The following AUTS2 variants were observed in gnomAD, a reference collection of about 807,000 sequenced individuals.
AUTS2 encodes the protein activator of transcription and developmental regulator AUTS2, also known as autism susceptibility gene 2 protein.
Under a neutral mutation model 112.4 loss-of-function variants are expected in AUTS2, and 17 were observed. The observed-to-expected ratio is 0.15, with a 90% CI of 0.10 to 0.23. AUTS2 has a LOEUF of 0.23. Ranked by LOEUF, AUTS2 falls within the 10% of genes least tolerant of loss-of-function variation. The probability of loss-of-function intolerance (pLI) is 1.00; values close to 1 mark genes in which losing one functional copy is unlikely to be tolerated. For missense variants in AUTS2, 1,510 were observed against 1,701.6 expected (o/e 0.89, Z 1.98); for synonymous variants, 751 against 702.7 (o/e 1.07, Z -1.09).
chr7:70,618,002 G>A (rs924804497), intron 5 of AUTS2, among the ~76,000 whole-genome samples: 4 of 152,210 alleles, frequency 2.6e-5, no homozygotes. Context: ...CTTGGAGAAG[G>A]AGGAAAGAAA....
At chr7:69,830,969 A>C (rs1791475555) in intron 1 of AUTS2, among the ~76,000 whole-genome samples, 1 of 152,170 alleles carries the variant, frequency 6.6e-6, no homozygotes, top group South Asian at 2.1e-4. Flanking sequence ...CTCCCTTCAG[A>C]GGTAGAGAGC....
chr7:70,403,570 G>A (rs1794412925), intron 4 of AUTS2, among the ~76,000 whole-genome samples: 1 of 152,146 alleles, frequency 6.6e-6, no homozygotes, highest in Admixed American at 6.5e-5. Flanking sequence ...AATACCTCAA[G>A]GACTCCTGAC....
At chr7:69,763,866 G>A (rs1025775882) in intron 1 of AUTS2, among the ~76,000 whole-genome samples, 1 of 152,180 alleles carries the variant, frequency 6.6e-6, no homozygotes, top group South Asian at 2.1e-4. Context: ...GCCTTAAATT[G>A]TGATGTGTTC....
At chr7:70,126,811 G>A (rs1805996848) in intron 3 of AUTS2, among the ~76,000 whole-genome samples, 1 of 152,138 alleles carries the variant, frequency 6.6e-6, no homozygotes, top group South Asian at 2.1e-4. Flanking sequence ...GGCAAAGAAT[G>A]TGACCTTTCT....
chr7:70,000,093 C>G (rs1799117392), intron 2 of AUTS2, among the ~76,000 whole-genome samples: 1 of 152,224 alleles, frequency 6.6e-6, no homozygotes, highest in South Asian at 2.1e-4. Flanking sequence ...ATGCAAGATT[C>G]ACATTGTGCT....
At chr7:70,599,667 C>T (rs1803373774) in intron 5 of AUTS2, among the ~76,000 whole-genome samples, 1 of 152,134 alleles carries the variant, frequency 6.6e-6, no homozygotes, top group Non-Finnish European at 1.5e-5. Context: ...CCCTTTGGAT[C>T]AATACCTATG....
intron 2 of AUTS2, among the ~76,000 whole-genome samples, chr7:69,960,673 C>T (rs1202347593): frequency 6.6e-6 from 1 of 152,112 alleles, no homozygotes; most frequent in Non-Finnish European, 1.5e-5. Context: ...CAGAGTTAAT[C>T]AGTGAAATAT....
intron 4 of AUTS2, among the ~76,000 whole-genome samples, chr7:70,375,943 A>T (rs565574238): frequency 6.6e-6 from 1 of 152,066 alleles, no homozygotes; most frequent in South Asian, 2.1e-4. Flanking sequence ...TCACAAGAAC[A>T]TGTTCAATCT....
intron 1 of AUTS2, among the ~76,000 whole-genome samples, chr7:69,801,767 A>G (rs370044922): frequency 6.6e-6 from 1 of 152,176 alleles, no homozygotes; most frequent in Non-Finnish European, 1.5e-5. Context: ...ACAGACAACA[A>G]TCTCTCTGAC....
intron 4 of AUTS2, among the ~76,000 whole-genome samples, chr7:70,390,197 A>G (rs1026924831): frequency 4.6e-5 from 7 of 152,222 alleles, no homozygotes; most frequent in Non-Finnish European, 7.3e-5. Context: ...ATAGCTTTGT[A>G]TGATAAAATG....
chr7:70,180,772 T>A (rs1809255560), intron 4 of AUTS2, among the ~76,000 whole-genome samples: 1 of 152,194 alleles, frequency 6.6e-6, no homozygotes, highest in Non-Finnish European at 1.5e-5. Context: ...ACATGTCCCC[T>A]TTTTACTGCC....
chr7:70,502,430 G>A (rs1411640939), intron 5 of AUTS2, among the ~76,000 whole-genome samples: 1 of 152,212 alleles, frequency 6.6e-6, no homozygotes, highest in Non-Finnish European at 1.5e-5. Flanking sequence ...GCCTGCATCT[G>A]TTTGAAAGAA....
intron 4 of AUTS2, among the ~76,000 whole-genome samples, chr7:70,419,945 G>A (rs1337929439): frequency 6.6e-6 from 1 of 152,116 alleles, no homozygotes; most frequent in Non-Finnish European, 1.5e-5. Flanking sequence ...TGAAAGGAAG[G>A]ATGAGTCTCC....
intron 18 of AUTS2, among the ~76,000 whole-genome samples, chr7:70,787,711 T>C (rs1469980295): frequency 1.3e-5 from 2 of 152,218 alleles, no homozygotes; most frequent in African/African-American, 4.8e-5. Context: ...CAAACAGAAG[T>C]CTTTCTCTAG....
intron 5 of AUTS2, among the ~76,000 whole-genome samples, chr7:70,537,330 T>C (rs951614711): frequency 5.9e-5 from 9 of 152,254 alleles, no homozygotes; most frequent in Non-Finnish European, 1.2e-4. Context: ...TGGATTTTTG[T>C]TGCTGTTAAA....
chr7:70,267,847 A>T (rs182210342), intron 4 of AUTS2, among the ~76,000 whole-genome samples: 1 of 152,268 alleles, frequency 6.6e-6, no homozygotes. Context: ...TTTACAGTTG[A>T]CTAGGCAGGG....
intron 5 of AUTS2, among the ~76,000 whole-genome samples, chr7:70,598,300 C>G (rs906069035): frequency 6.6e-6 from 1 of 152,180 alleles, no homozygotes; most frequent in Non-Finnish European, 1.5e-5. Flanking sequence ...CACGGTTTCT[C>G]AGTGCAGGTT....
At chr7:70,359,218 C>T (rs529093546) in intron 4 of AUTS2, among the ~76,000 whole-genome samples, 104 of 152,288 alleles carry the variant, frequency 6.8e-4, no homozygotes, top group Middle Eastern at 6.8e-3. Context: ...GCACTTCGAA[C>T]CTTGCTAACA....
chr7:70,443,268 T>C (rs900492707), intron 5 of AUTS2, among the ~76,000 whole-genome samples: 4 of 152,188 alleles, frequency 2.6e-5, no homozygotes, highest in Admixed American at 2.6e-4. Context: ...AGATGTTCTA[T>C]TGCTCGCAAT....
Sources: gnomAD v4.1 joint callset for allele counts (sites outside exome capture counted in the v4.1 genomes callset) on GRCh38, gnomAD v4.1.1 for gene constraint, MANE v1.5 for transcripts, NCBI Gene and HGNC (gene_info 2026-07-23, HGNC 2026-07-21) for gene names.